CERKL: variants seen among roughly 807,000 people sequenced by gnomAD.
CERKL encodes the protein ceramide kinase-like protein.
In CERKL, 61 loss-of-function variants were observed where a neutral mutation model predicts 63.4. That is an observed-to-expected ratio of 0.96 (90% CI 0.78 to 1.19). The LOEUF (loss-of-function observed/expected upper bound fraction) is 1.19, where lower values mean the gene tolerates loss of function less well. CERKL is among the 50% of genes most tolerant of loss of function. The pLI, the probability that CERKL is intolerant of heterozygous loss-of-function variation, is 0.00. For missense variants in CERKL, 675 were observed against 655.5 expected, an observed-to-expected ratio of 1.03 and a Z score of -0.33; for synonymous variants, 250 against 230.5, an observed-to-expected ratio of 1.08 and a Z score of -0.77.
intron 1 of CERKL, among the ~76,000 whole-genome samples, chr2:181,642,665 G>C (rs1342054170): frequency 6.6e-6 from 1 of 152,038 alleles, no homozygotes; most frequent in Admixed American, 6.6e-5. Context: ...CATGAAATTT[G>C]TAACTTGAGA....
intron 2 of CERKL, among the ~76,000 whole-genome samples, chr2:181,592,261 TG>T (rs1685019761): frequency 6.6e-6 from 1 of 152,302 alleles, no homozygotes; most frequent in East Asian, 1.9e-4. Context: ...TCTCATCTCC[TG>T]GGTCTGACAG....
intron 1 of CERKL, among the ~76,000 whole-genome samples, chr2:181,651,275 G>C (rs1297877451): frequency 6.6e-6 from 1 of 152,090 alleles, no homozygotes; most frequent in Non-Finnish European, 1.5e-5. Context: ...AAATTCTCAA[G>C]ATATTAGCAA....
chr2:181,587,397 C>T (rs1359381632), intron 2 of CERKL, among the ~76,000 whole-genome samples: 2 of 152,112 alleles, frequency 1.3e-5, no homozygotes, highest in African/African-American at 4.8e-5. Context: ...AGAGCTAAGA[C>T]TATTTAAATA....
intron 5 of CERKL, among the ~76,000 whole-genome samples, chr2:181,557,849 C>T (rs1021168132): frequency 6.6e-6 from 1 of 152,114 alleles, no homozygotes; most frequent in Non-Finnish European, 1.5e-5. Context: ...TGCTTTATTA[C>T]TTTTGCAGCC....
At chr2:181,545,210 A>G (rs1008606769) in intron 10 of CERKL, among the ~76,000 whole-genome samples, 16 of 152,236 alleles carry the variant, frequency 1.1e-4, no homozygotes, top group African/African-American at 2.9e-4. Context: ...TCTAAAATCT[A>G]AAGTGTGATT....
intron 1 of CERKL, among the ~76,000 whole-genome samples, chr2:181,621,363 A>G (rs16867462): frequency 0.039 from 5,870 of 152,294 alleles, 345 homozygotes; most frequent in African/African-American, 0.13. Flanking sequence ...GATATAGTTT[A>G]GGCTCCTAGT....
At chr2:181,593,031 AAG>A (rs1292824520) in intron 2 of CERKL, among the ~76,000 whole-genome samples, 1 of 152,158 alleles carries the variant, frequency 6.6e-6, no homozygotes, top group Non-Finnish European at 1.5e-5. Flanking sequence ...CAATAATAGT[AAG>A]AGTTACCCTT....
At chr2:181,632,450 C>A (rs1687004619) in intron 1 of CERKL, among the ~76,000 whole-genome samples, 1 of 152,138 alleles carries the variant, frequency 6.6e-6, no homozygotes, top group South Asian at 2.1e-4. Context: ...AATGATTAAA[C>A]AAATTAACTT....
intron 1 of CERKL, among the ~76,000 whole-genome samples, chr2:181,654,534 T>C (rs776508599): frequency 5.3e-5 from 8 of 152,190 alleles, no homozygotes; most frequent in Non-Finnish European, 8.8e-5. Flanking sequence ...TAATCTCCAG[T>C]GATCTCCCCT....
intron 3 of CERKL, among the ~76,000 whole-genome samples, chr2:181,571,403 G>A (rs1158009000): frequency 6.6e-6 from 1 of 152,048 alleles, no homozygotes; most frequent in Non-Finnish European, 1.5e-5. Flanking sequence ...GAACATAATA[G>A]TTTTGTCTCC....
At chr2:181,613,972 T>C (rs908120588) in intron 1 of CERKL, among the ~76,000 whole-genome samples, 3 of 152,252 alleles carry the variant, frequency 2.0e-5, no homozygotes, top group South Asian at 2.1e-4. Context: ...AACTTGTTAG[T>C]ATTCTATAAA....
In CERKL at chr2:181,653,986, G is replaced by A. The variant is rs192152021; in HGVS notation, c.238+2783C>T. On this transcript the variant is annotated intron_variant, in intron 1 of 12. Transcript: ENST00000410087. Reference sequence around the variant, plus strand: ...TACTTTGATTGGATAATTGTACAACGTAAATATCAAAACATCAAATAGTAT... The same window carrying A: ...TACTTTGATTGGATAATTGTACAACATAAATATCAAAACATCAAATAGTAT... Among the ~76,000 whole-genome samples, 11 of 152,152 alleles carry A rather than the reference G, an allele frequency of 7.2e-5. No homozygotes were observed. The East Asian group carries it at 7.7e-4, about 11-fold the overall frequency.
intron 1 of CERKL, among the ~76,000 whole-genome samples, chr2:181,646,149 A>G (rs1043017300): frequency 3.3e-5 from 5 of 152,208 alleles, no homozygotes; most frequent in African/African-American, 1.2e-4. Flanking sequence ...GGCAGATTGG[A>G]GAAATACCAA....
intron 1 of CERKL, among the ~76,000 whole-genome samples, chr2:181,607,169 G>A (rs1004964046): frequency 6.6e-5 from 10 of 152,148 alleles, no homozygotes; most frequent in African/African-American, 1.2e-4. Flanking sequence ...AAACTCCACC[G>A]TATCCTTGGA....
intron 2 of CERKL, among the ~76,000 whole-genome samples, chr2:181,589,473 G>A (rs570068681): frequency 6.6e-6 from 1 of 152,244 alleles, no homozygotes; most frequent in African/African-American, 2.4e-5. Flanking sequence ...ACGTCATGAA[G>A]CTTTACGCCT....
At position 181,575,349 on chromosome 2, in the gene CERKL, G is replaced by A. The variant is rs74780764; in HGVS notation, c.482-1465C>T. On this transcript the variant is annotated intron_variant, in intron 2 of 12. Transcript: ENST00000410087. Reference sequence around the variant, plus strand: ...CTCCTCGCCTTCCTCTGTTACACGCGTTAAAGAAACATGTATTGAGCACTT... The same window carrying A: ...CTCCTCGCCTTCCTCTGTTACACGCATTAAAGAAACATGTATTGAGCACTT... Among the ~76,000 whole-genome samples, 231 of 152,268 alleles carry A rather than the reference G, an allele frequency of 1.5e-3. 6 individuals are homozygous for A. The East Asian group carries it at 0.034, about 22-fold the overall frequency.
chr2:181,615,493 T>A (rs1318309816), intron 1 of CERKL, among the ~76,000 whole-genome samples: 1 of 152,252 alleles, frequency 6.6e-6, no homozygotes, highest in Non-Finnish European at 1.5e-5. Context: ...GTGCTCACAG[T>A]TTCTGCACAT....
At chr2:181,637,473 T>C (rs1687229160) in intron 1 of CERKL, among the ~76,000 whole-genome samples, 1 of 152,160 alleles carries the variant, frequency 6.6e-6, no homozygotes, top group African/African-American at 2.4e-5. Flanking sequence ...TCTGGGCATA[T>C]TGCTAAGTAA....
intron 1 of CERKL, among the ~76,000 whole-genome samples, chr2:181,614,925 T>C (rs575760752): frequency 1.3e-5 from 2 of 152,356 alleles, no homozygotes; most frequent in African/African-American, 4.8e-5. Flanking sequence ...ATTGACACTT[T>C]TTTGCAAGTT....
Sources: allele counts gnomAD v4.1 joint callset (sites outside exome capture counted in the v4.1 genomes callset), GRCh38; gene constraint gnomAD v4.1.1; transcripts MANE v1.5; gene names NCBI Gene and HGNC (gene_info 2026-07-23, HGNC 2026-07-21).